AXIN1: variants seen among roughly 807,000 people sequenced by gnomAD.
The protein encoded by AXIN1 is axin-1.
In AXIN1, 30 loss-of-function variants were observed where a neutral mutation model predicts 76.4. That is an observed-to-expected ratio of 0.39 (90% confidence interval 0.29 to 0.53). The LOEUF is 0.53. Ranked by LOEUF, AXIN1 falls within the 20% of genes least tolerant of loss-of-function variation. The pLI is 0.66. For missense variants in AXIN1, 1,140 were observed against 1,198.8 expected (o/e 0.95, Z 0.72); for synonymous variants, 545 against 501.4 (o/e 1.09, Z -1.16).
intron 4 of AXIN1, among the ~76,000 whole-genome samples, chr16:305,786 C>A (rs895564118): frequency 6.6e-6 from 1 of 152,242 alleles, no homozygotes. Context: ...CCTCGTGATC[C>A]GCCTGCCTCA....
Position 287,485 on chromosome 16 carries a change from G to A in AXIN1, c.*637C>T, listed in dbSNP as rs2052410542. ...ATTTCATTATTATCCAAGTACCTTT[G>A]AAAAGATAATTAATTGTACAAGTGT... On this transcript the variant is annotated 3_prime_UTR_variant, in exon 11 of 11. Transcript: ENST00000262320. 1 of 366,722 alleles carries A rather than the reference G, an allele frequency of 2.7e-6. No individual in the cohort carries two copies. Among genetic ancestry groups the A allele is most frequent in the Non-Finnish European group, 4.9e-6 (1 of 205,816 alleles). 22.7% of individuals were successfully genotyped at this position (366,722 alleles called of 1,614,324 possible). A position where few individuals can be genotyped will look rare whatever the true frequency, so the allele number is the denominator to read the frequency against.
intron 2 of AXIN1, among the ~76,000 whole-genome samples, chr16:330,464 A>T (rs924035245): frequency 2.0e-5 from 3 of 152,204 alleles, no homozygotes; most frequent in Non-Finnish European, 4.4e-5. Flanking sequence ...ATTATAATGC[A>T]CCAAAGAACT....
chr16:326,372 AATAT>A (rs67811547), intron 2 of AXIN1, among the ~76,000 whole-genome samples: 2,340 of 86,362 alleles, frequency 0.027, 152 homozygotes, highest in African/African-American at 0.11. Flanking sequence ...AAAAAAAAAA[AATAT>A]ATATATATAT....
chr16:312,728 G>A (rs571588884), intron 3 of AXIN1, among the ~76,000 whole-genome samples: 1 of 152,376 alleles, frequency 6.6e-6, no homozygotes, highest in African/African-American at 2.4e-5. Flanking sequence ...CCCGGAAGGG[G>A]CAGGGAGCTG....
At chr16:327,128 C>T (rs1039603727) in intron 2 of AXIN1, among the ~76,000 whole-genome samples, 2 of 151,080 alleles carry the variant, frequency 1.3e-5, no homozygotes, top group African/African-American at 4.9e-5. Context: ...GGCGACAGAG[C>T]GAGGCTCCGT....
rs2054162099 is a variant in AXIN1 at position 352,274 on chromosome 16, C to G, written c.-82+95G>C. On this transcript the variant is annotated intron_variant, in intron 1 of 10. Coordinates refer to ENST00000262320, the MANE Select transcript of AXIN1 (RefSeq NM_003502.4). ...CCCCGCGCGCCCACCCCCTCGGTCC[C>G]ACGCGCGTCAGCCACCCGCGCCCCC... 5 of 787,598 alleles carry G rather than the reference C, an allele frequency of 6.3e-6. No homozygotes were observed. The East Asian group carries it at 3.8e-4, about 60-fold the overall frequency. 48.8% of individuals were successfully genotyped at this position (787,598 alleles called of 1,614,324 possible).
At chr16:307,201 C>T (rs1452998418) in intron 4 of AXIN1, among the ~76,000 whole-genome samples, 1 of 152,090 alleles carries the variant, frequency 6.6e-6, no homozygotes, top group Non-Finnish European at 1.5e-5. Flanking sequence ...ATCATCAGGC[C>T]CAGAGAGCAG....
intron 3 of AXIN1, among the ~76,000 whole-genome samples, chr16:313,362 A>G (rs1480611047): frequency 5.3e-5 from 8 of 152,226 alleles, no homozygotes; most frequent in Non-Finnish European, 1.5e-5. Flanking sequence ...CATATTCATA[A>G]AAAGATGGGC....
In AXIN1 at chr16:298,236, C is replaced by T. The variant is rs1180612667; in HGVS notation, c.1270G>A (p.Asp424Asn). The T allele has an allele frequency of 6.5e-7, 1 of 1,539,462 alleles. No homozygotes were observed. Among genetic ancestry groups the T allele is most frequent in the East Asian group, 2.4e-5 (1 of 40,934 alleles). The change falls in exon 6 of 11, where the codon GAC becomes AAC. Residue 424 changes from aspartate (D) to asparagine (N), a missense_variant. Asp to Asn is a conservative substitution (Grantham distance 23, BLOSUM62 1). Coordinates refer to ENST00000262320, the MANE Select transcript of AXIN1 (RefSeq NM_003502.4). ...GGGGGCCCTGACGATGGATCGCCGT[C>T]CTCACCTTCCTCCTCCTGTGTGGGG... ...KRVRMEEEGE[D>N]GDPSSGPPGP... is the part of the protein sequence containing the mutation.
At chr16:321,035 C>T (rs537033128) in intron 2 of AXIN1, among the ~76,000 whole-genome samples, 10 of 152,016 alleles carry the variant, frequency 6.6e-5, no homozygotes, top group African/African-American at 2.4e-4. Context: ...ACTGCGCCTG[C>T]CCACAAAAAA....
rs1176844157 is a variant in AXIN1, at chr16:352,378, G to A, written c.-91C>T. ...GCCCGGCCCTACTCACCCGCGCGCG[G>A]TGGTGGCGGGACCCCGGGCCCGGCT... On this transcript the variant is annotated 5_prime_UTR_variant, in exon 1 of 11. Transcript: ENST00000262320. 4 of 978,816 alleles carry A rather than the reference G, an allele frequency of 4.1e-6. No homozygotes were observed. Among genetic ancestry groups the A allele is most frequent in the Non-Finnish European group, 4.8e-6 (4 of 827,292 alleles). 60.6% of individuals were successfully genotyped at this position (978,816 alleles called of 1,614,324 possible).
chr16:343,329 G>A (rs2053966368), intron 2 of AXIN1, among the ~76,000 whole-genome samples: 1 of 152,230 alleles, frequency 6.6e-6, no homozygotes, highest in Non-Finnish European at 1.5e-5. Flanking sequence ...GGGAGGCACT[G>A]GGGTTCCAAC....
At chr16:315,652 C>A (rs2053283040) in intron 2 of AXIN1, among the ~76,000 whole-genome samples, 1 of 151,928 alleles carries the variant, frequency 6.6e-6, no homozygotes, top group African/African-American at 2.4e-5. Flanking sequence ...ACAGTGAAAC[C>A]CCGTCTCTAC....
chr16:297,070 G>C lies in AXIN1; in HGVS notation c.1941C>G (p.Arg647=), dbSNP rs142471911. Reference sequence around the variant, plus strand: ...GGGGTGCTCACCCGTGGCCGGTCCTGCGGTGCCTGCTGATCTCCTTTTCCC... The same window carrying C: ...GGGGTGCTCACCCGTGGCCGGTCCTCCGGTGCCTGCTGATCTCCTTTTCCC... The part of the protein sequence containing the change: ...IEGEKEISRH[R]RTGHGSSGTR... The change falls in exon 7 of 11, where the codon CGC becomes CGG. Residue 647 remains arginine, a synonymous_variant. Coordinates refer to ENST00000262320, the MANE Select transcript of AXIN1 (RefSeq NM_003502.4). 3.5e-4 allele frequency: 558 copies of C among 1,611,676 alleles called. 4 individuals are homozygous for C. The African/African-American group carries it at 5.9e-3, about 17-fold the overall frequency.
chr16:301,292 C>CAAAAA (rs546536548), intron 5 of AXIN1, among the ~76,000 whole-genome samples: 3 of 105,688 alleles, frequency 2.8e-5, no homozygotes, highest in African/African-American at 6.5e-5. Flanking sequence ...CAAAACAAAG[C>CAAAAA]AAAAAAAAAA....
At chr16:313,321 A>G (rs2141587422) in intron 3 of AXIN1, among the ~76,000 whole-genome samples, 1 of 152,340 alleles carries the variant, frequency 6.6e-6, no homozygotes. Flanking sequence ...AACCATAAAA[A>G]TGGTACATAC....
At chr16:291,793 T>A (rs1293880062) in intron 8 of AXIN1, 3 of 241,476 alleles carry the variant, frequency 1.2e-5, no homozygotes, top group Non-Finnish European at 2.5e-5. Flanking sequence ...CGTGGACACC[T>A]CCACCGGGGT....
chr16:320,885 A>G (rs949360485), intron 2 of AXIN1, among the ~76,000 whole-genome samples: 8 of 151,376 alleles, frequency 5.3e-5, no homozygotes, highest in Non-Finnish European at 1.2e-4. Flanking sequence ...GACTCCAGGC[A>G]CACGTCACCA....
At chr16:331,149 A>G (rs1180887642) in intron 2 of AXIN1, among the ~76,000 whole-genome samples, 1 of 152,244 alleles carries the variant, frequency 6.6e-6, no homozygotes, top group Non-Finnish European at 1.5e-5. Context: ...TGCTGAAGCT[A>G]CAAGACGAAA....
Sources: gnomAD v4.1 joint callset for allele counts (sites outside exome capture counted in the v4.1 genomes callset) on GRCh38, gnomAD v4.1.1 for gene constraint, MANE v1.5 for transcripts, NCBI Gene and HGNC (gene_info 2026-07-23, HGNC 2026-07-21) for gene names.